KIRREL3: variants seen among roughly 807,000 people sequenced by gnomAD.
The protein encoded by KIRREL3 is kirre like nephrin family adhesion molecule 3.
Under a neutral mutation model 89.7 loss-of-function variants are expected in KIRREL3, and 36 were observed. The ratio of observed to expected loss-of-function variants is 0.40; its 90% CI spans 0.31 to 0.53. The LOEUF is 0.53. Ranked by LOEUF, KIRREL3 falls within the 20% of genes least tolerant of loss-of-function variation. KIRREL3 has a pLI of 0.49. For synonymous variants in KIRREL3, 445 were observed against 441.4 expected (o/e 1.01, Z -0.10); for missense variants, 864 against 1,056.6 (o/e 0.82, Z 2.53).
At chr11:126,559,677 T>A (rs1378877581) in intron 2 of KIRREL3, among the ~76,000 whole-genome samples, 1 of 143,528 alleles carries the variant, frequency 7.0e-6, no homozygotes, top group Non-Finnish European at 1.5e-5. Context: ...CTTACTCTAC[T>A]TTTTTTTTTT....
chr11:126,727,872 T>C (rs531111059), intron 1 of KIRREL3, among the ~76,000 whole-genome samples: 2 of 151,998 alleles, frequency 1.3e-5, no homozygotes, highest in Non-Finnish European at 2.9e-5. Flanking sequence ...GAGAGACATC[T>C]GCAGGCAGTG....
rs557806146 is a variant in KIRREL3, at chr11:126,850,700, C to T, written c.55+149755G>A. ...GAACTTCAAAAGGCAGCGTTCCAGC[C>T]ACTGCTTATCCCCAAAATAAAAGGA... is the stretch of plus-strand genomic sequence containing the variant. On this transcript the variant is annotated intron_variant, in intron 1 of 16. Coordinates refer to ENST00000525144, the MANE Select transcript of KIRREL3 (RefSeq NM_032531.4). Among the ~76,000 whole-genome samples the T allele has an allele frequency of 3.9e-5, 6 of 152,274 alleles. No individual in the cohort carries two copies. In the South Asian group the frequency reaches 6.2e-4, roughly 16 times the overall value.
chr11:126,658,087 T>C (rs913371033), intron 1 of KIRREL3, among the ~76,000 whole-genome samples: 1 of 152,224 alleles, frequency 6.6e-6, no homozygotes, highest in Non-Finnish European at 1.5e-5. Context: ...TCCTTCTCCT[T>C]TGAATCTCTT....
rs1947587911 is a variant in KIRREL3, at chr11:126,924,029, C to T, written c.55+76426G>A. Among the ~76,000 whole-genome samples, 1 of 152,224 alleles carries T rather than the reference C, an allele frequency of 6.6e-6. No individual in the cohort carries two copies. Among genetic ancestry groups the T allele is most frequent in the Non-Finnish European group, 1.5e-5 (1 of 68,030 alleles). The stretch of plus-strand genomic sequence containing the variant: ...AAGGCTTCCCCATTTCCCTTAGCCC[C>T]TATGACCAGTCACTAACTTTTAAAA... On this transcript the variant is annotated intron_variant, in intron 1 of 16. Coordinates refer to ENST00000525144, the MANE Select transcript of KIRREL3 (RefSeq NM_032531.4). This position sits in a 1 kb window ranked among gnomAD's most constrained non-coding sequence, Gnocchi z 4.7.
At position 126,527,512 on chromosome 11, in the gene KIRREL3, A is replaced by T. The variant is rs1184377744; in HGVS notation, c.134-825T>A. Among the ~76,000 whole-genome samples the T allele has an allele frequency of 6.6e-6, 1 of 152,168 alleles. No individual in the cohort carries two copies. Among genetic ancestry groups the T allele is most frequent in the Non-Finnish European group, 1.5e-5 (1 of 68,044 alleles). ...CATTAATATTTTCATCGTCATAACA[A>T]CCTAAAAATAGTAGGCACTATTTTT... On this transcript the variant is annotated intron_variant, in intron 2 of 16. Transcript: ENST00000525144. The surrounding 1 kb of genome is among the most constrained non-coding windows in gnomAD (Gnocchi z 4.2).
At position 126,990,434 on chromosome 11, in the gene KIRREL3, C is replaced by G. The variant is rs1950001815; in HGVS notation, c.55+10021G>C. ...AGAGGCGAGGAGGAGAGCCCCCCAT[C>G]CCTCCCGTCCCTTCCCAGCTCCCGG... On this transcript the variant is annotated intron_variant, in intron 1 of 16. Coordinates refer to ENST00000525144, the MANE Select transcript of KIRREL3 (RefSeq NM_032531.4). This position sits in a 1 kb window ranked among gnomAD's most constrained non-coding sequence, Gnocchi z 6.3. Among the ~76,000 whole-genome samples the G allele has an allele frequency of 6.6e-6, 1 of 151,246 alleles. No homozygotes were observed. Among genetic ancestry groups the G allele is most frequent in the South Asian group, 2.1e-4 (1 of 4,800 alleles).
At chr11:126,928,827 G>A (rs914957218) in intron 1 of KIRREL3, among the ~76,000 whole-genome samples, 1 of 152,164 alleles carries the variant, frequency 6.6e-6, no homozygotes, top group African/African-American at 2.4e-5. Flanking sequence ...TAAGTTTGTG[G>A]CGCTTATGAG....
intron 1 of KIRREL3, among the ~76,000 whole-genome samples, chr11:126,633,669 C>T (rs1464466949): frequency 1.3e-5 from 2 of 152,210 alleles, no homozygotes; most frequent in East Asian, 1.9e-4. Context: ...GCACACCCTA[C>T]ATAACCATGA....
At position 126,463,436 on chromosome 11, in the gene KIRREL3, A is replaced by T; in HGVS notation, c.592-129T>A. The T allele has an allele frequency of 1.1e-6, 1 of 927,274 alleles. No individual in the cohort carries two copies. The highest frequency in any genetic ancestry group is 1.6e-6 in the Non-Finnish European group (1 of 625,264). The allele number at this position is 927,274 out of a possible 1,614,324, so 57.4% of individuals were successfully genotyped here. A position where few individuals can be genotyped will look rare whatever the true frequency, so the allele number is the denominator to read the frequency against. ...TGTGGATGGAGGGGTTCAGCTTAGG[A>T]GACCTGGGCTGCCCATGTCTACGCA... On this transcript the variant is annotated intron_variant, in intron 5 of 16. Transcript: ENST00000525144. The surrounding 1 kb of genome is among the most constrained non-coding windows in gnomAD (Gnocchi z 5.9).
intron 1 of KIRREL3, among the ~76,000 whole-genome samples, chr11:126,801,137 A>G (rs1428135121): frequency 6.6e-6 from 1 of 152,230 alleles, no homozygotes; most frequent in Non-Finnish European, 1.5e-5. Context: ...TTACCTAAAT[A>G]TATTCTGCAT....
At chr11:126,762,028 A>C (rs886769443) in intron 1 of KIRREL3, among the ~76,000 whole-genome samples, 5 of 151,980 alleles carry the variant, frequency 3.3e-5, no homozygotes, top group Admixed American at 6.5e-5. Context: ...AAAATACAAA[A>C]GTTAGCTGGG....
Position 126,764,571 on chromosome 11 carries a change from C to A in KIRREL3, c.56-201659G>T, listed in dbSNP as rs143010143. Among the ~76,000 whole-genome samples, 103 of 152,294 alleles carry A rather than the reference C, an allele frequency of 6.8e-4. No individual in the cohort carries two copies. Among genetic ancestry groups the A allele is most frequent in the Non-Finnish European group, 1.2e-3 (82 of 68,028 alleles). ...ATGAGGTTCCTGGCAGCTCTTACTG[C>A]GCCAGTAACAACTGGATCTCAATCC... On this transcript the variant is annotated intron_variant, in intron 1 of 16. Coordinates refer to ENST00000525144, the MANE Select transcript of KIRREL3 (RefSeq NM_032531.4). The surrounding 1 kb of genome is among the most constrained non-coding windows in gnomAD (Gnocchi z 4.2).
At chr11:126,456,956 C>T (rs1347039518) in intron 6 of KIRREL3, among the ~76,000 whole-genome samples, 10 of 152,162 alleles carry the variant, frequency 6.6e-5, no homozygotes, top group Non-Finnish European at 1.5e-4. Flanking sequence ...TGGCTGGTGG[C>T]GCACGGCCTC....
At position 126,898,397 on chromosome 11, in the gene KIRREL3, T is replaced by G. The variant is rs988110046; in HGVS notation, c.55+102058A>C. On this transcript the variant is annotated intron_variant, in intron 1 of 16. Coordinates refer to ENST00000525144, the MANE Select transcript of KIRREL3 (RefSeq NM_032531.4). The surrounding 1 kb of genome is among the most constrained non-coding windows in gnomAD (Gnocchi z 4.9). ...GTGCATGCATATATCCTAAGGCACA[T>G]AAGTAAGTATTGTGTGGTGGTATGA... Among the ~76,000 whole-genome samples, 1 of 152,136 alleles carries G rather than the reference T, an allele frequency of 6.6e-6. No individual in the cohort carries two copies. Among genetic ancestry groups the G allele is most frequent in the Non-Finnish European group, 1.5e-5 (1 of 68,048 alleles).
In KIRREL3 at chr11:126,696,855, C is replaced by T. The variant is rs1947118912; in HGVS notation, c.56-133943G>A. ...AGGTTGACTAGCGCTTACATCCAGA[C>T]ACTACTGTACCACTTGCTTTCCGGG... On this transcript the variant is annotated intron_variant, in intron 1 of 16. Coordinates refer to ENST00000525144, the MANE Select transcript of KIRREL3 (RefSeq NM_032531.4). This position sits in a 1 kb window ranked among gnomAD's most constrained non-coding sequence, Gnocchi z 4.4. 6.6e-6 allele frequency among the ~76,000 whole-genome samples: 1 copy of T among 152,216 alleles called. No individual in the cohort carries two copies. The highest frequency in any genetic ancestry group is 2.4e-5 in the African/African-American group (1 of 41,448).
At chr11:126,836,720 A>G (rs1475076768) in intron 1 of KIRREL3, among the ~76,000 whole-genome samples, 1 of 152,170 alleles carries the variant, frequency 6.6e-6, no homozygotes, top group African/African-American at 2.4e-5. Context: ...ATCATCTCCT[A>G]GTGCACAAGG....
intron 1 of KIRREL3, among the ~76,000 whole-genome samples, chr11:126,825,093 A>C (rs1175641630): frequency 6.6e-6 from 1 of 152,116 alleles, no homozygotes; most frequent in African/African-American, 2.4e-5. Context: ...TTTTCCTTTC[A>C]TAGTGATTTC....
intron 1 of KIRREL3, among the ~76,000 whole-genome samples, chr11:126,831,177 G>A (rs549889565): frequency 5.6e-4 from 85 of 152,274 alleles, no homozygotes; most frequent in Non-Finnish European, 9.7e-4. Flanking sequence ...TCAAATACCC[G>A]GCATGATGCT....
rs1363900842 is a variant in KIRREL3 at position 126,872,582 on chromosome 11, C to T, written c.55+127873G>A. On this transcript the variant is annotated intron_variant, in intron 1 of 16. Transcript: ENST00000525144. The surrounding 1 kb of genome is among the most constrained non-coding windows in gnomAD (Gnocchi z 4.2). Reference sequence around the variant, plus strand: ...GGGCTCACTTCACCTGCATCATTTACATCAAACAGCCCCTCTAAGGGACCT... The same window carrying T: ...GGGCTCACTTCACCTGCATCATTTATATCAAACAGCCCCTCTAAGGGACCT... Among the ~76,000 whole-genome samples, 1 of 152,244 alleles carries T rather than the reference C, an allele frequency of 6.6e-6. No individual in the cohort carries two copies. Among genetic ancestry groups the T allele is most frequent in the Non-Finnish European group, 1.5e-5 (1 of 68,046 alleles).
Sources: allele counts gnomAD v4.1 joint callset (sites outside exome capture counted in the v4.1 genomes callset), GRCh38; gene constraint gnomAD v4.1.1; non-coding constraint Gnocchi (gnomAD v3.1); transcripts MANE v1.5; gene names NCBI Gene and HGNC (gene_info 2026-07-23, HGNC 2026-07-21).